The following GSPT1 variants were observed in gnomAD, a reference collection of about 807,000 sequenced individuals.
The protein encoded by GSPT1 is G1 to S phase transition 1.
A neutral mutation model predicts 72.5 loss-of-function variants in GSPT1; 20 were observed. That is an observed-to-expected ratio of 0.28 (90% CI 0.19 to 0.40). GSPT1 has a LOEUF of 0.40. GSPT1 is among the 10% of genes least tolerant of loss of function. The pLI is 1.00. For missense variants in GSPT1, 580 were observed against 811.9 expected, an observed-to-expected ratio of 0.71 and a Z score of 3.47; for synonymous variants, 334 against 293.5, an observed-to-expected ratio of 1.14 and a Z score of -1.41.
chr16:11,895,940 CAA>C (rs2054332855), intron 4 of GSPT1, among the ~76,000 whole-genome samples: 1 of 152,202 alleles, frequency 6.6e-6, no homozygotes, highest in African/African-American at 2.4e-5. Context: ...TTTACACTTT[CAA>C]AAGAGTTCTT....
chr16:11,891,344 T>TATATTACACATTTTTATATAAAAC (rs2054257588), intron 5 of GSPT1, among the ~76,000 whole-genome samples: 1 of 147,086 alleles, frequency 6.8e-6, no homozygotes, highest in Non-Finnish European at 1.5e-5. Context: ...TTATATAAAA[T>TATATTACACATTTTTATATAAAAC]ATATATATTA....
rs2054361139 is a variant in GSPT1 at position 11,897,988 on chromosome 16, C to T, written c.394+6G>A. On this transcript the variant is annotated splice_donor_region_variant and intron_variant, in intron 2 of 14. Transcript: ENST00000434724. Reference sequence around the variant, plus strand: ...TCAAGTAGACTTTCAAAGAGTACATCATTACCTTCACACAATGACTGTTCC... The same window carrying T: ...TCAAGTAGACTTTCAAAGAGTACATTATTACCTTCACACAATGACTGTTCC... 3 of 1,544,392 alleles carry T rather than the reference C, an allele frequency of 1.9e-6. No individual in the cohort carries two copies. Among genetic ancestry groups the T allele is most frequent in the Non-Finnish European group, 2.6e-6 (3 of 1,138,184 alleles).
Position 11,915,445 on chromosome 16 carries a change from G to T in GSPT1, c.276C>A (p.Gly92=), listed in dbSNP as rs529936745. ...AAEFVPSFLR[G]PAAPPPPVGG... ...CAACTGGGGGTGGCGGCGCTGCCGG[G>T]CCCCGCAGGAAGGACGGCACGAACT... The change falls in exon 1 of 15, where the codon GGC becomes GGA. Residue 92 remains glycine, a synonymous_variant. Coordinates refer to ENST00000434724, the MANE Select transcript of GSPT1 (RefSeq NM_002094.4). 8.8e-5 allele frequency: 135 copies of T among 1,537,552 alleles called. 1 individual carries two copies. In the African/African-American group the frequency reaches 1.8e-3, roughly 21 times the overall value.
chr16:11,914,954 G>C, intron 1 of GSPT1: 2 of 1,204,752 alleles, frequency 1.7e-6, no homozygotes, highest in Non-Finnish European at 2.2e-6. Flanking sequence ...TCGGCCATTC[G>C]TCCTCCCCAA....
At chr16:11,896,835 T>C (rs764828627) in intron 3 of GSPT1, 50 bp from the exon 4 acceptor site, 115 of 1,133,798 alleles carry the variant, frequency 1.0e-4, no homozygotes, top group Admixed American at 1.5e-4. Flanking sequence ...TTACAATCTA[T>C]ACTTTAAAAT....
chr16:11,903,801 TTTG>T (rs957459367), intron 1 of GSPT1: 1 of 152,252 alleles, frequency 6.6e-6, no homozygotes, highest in African/African-American at 2.4e-5. Context: ...TATTTATTTG[TTTG>T]TTAATTGTTT....
In GSPT1 at chr16:11,872,393, A is replaced by AT. The variant is rs942878629; in HGVS notation, c.*725_*726insA. The AT allele has an allele frequency of 7.4e-5, 11 of 148,838 alleles. No homozygotes were observed. The highest frequency in any genetic ancestry group is 2.4e-4 in the African/African-American group (10 of 40,904). The allele number at this position is 148,838 out of a possible 1,614,324, so 9.2% of individuals were successfully genotyped here. ...CAATATAAATTGGCAAAAAAAAAAA[A>AT]AATAAATAAATAACTAAAAGACCTA... On this transcript the variant is annotated 3_prime_UTR_variant, in exon 15 of 15. Transcript: ENST00000434724.
intron 1 of GSPT1, among the ~76,000 whole-genome samples, chr16:11,911,307 A>G (rs2054553590): frequency 6.6e-6 from 1 of 152,198 alleles, no homozygotes. Context: ...CTTAAAACTG[A>G]GAATATTCTA....
chr16:11,906,866 C>A (rs1361916256), intron 1 of GSPT1, among the ~76,000 whole-genome samples: 2 of 152,060 alleles, frequency 1.3e-5, no homozygotes, highest in African/African-American at 2.4e-5. Flanking sequence ...ATCCCTCCAA[C>A]AACAAAGAAC....
chr16:11,906,624 A>G (rs903827567), intron 1 of GSPT1, among the ~76,000 whole-genome samples: 1 of 152,162 alleles, frequency 6.6e-6, no homozygotes, highest in Non-Finnish European at 1.5e-5. Flanking sequence ...ACAATGTGAG[A>G]CCCTGTCTCA....
rs1027169299 is a variant in GSPT1, at chr16:11,870,982, T to C, written c.*2137A>G. On this transcript the variant is annotated 3_prime_UTR_variant, in exon 15 of 15. Coordinates refer to ENST00000434724, the MANE Select transcript of GSPT1 (RefSeq NM_002094.4). ...GTTCTATTTAGAAAGGGAACTCTTA[T>C]CTCTGGAAGTGATTTCCGTGGCTCT... 2 of 152,218 alleles carry C rather than the reference T, an allele frequency of 1.3e-5. No individual in the cohort carries two copies. The highest frequency in any genetic ancestry group is 4.8e-5 in the African/African-American group (2 of 41,460). The allele number at this position is 152,218 out of a possible 1,614,324, so 9.4% of individuals were successfully genotyped here.
At chr16:11,880,307 A>G (rs1192522554) in intron 11 of GSPT1, 2 of 152,266 alleles carry the variant, frequency 1.3e-5, no homozygotes, top group East Asian at 3.9e-4. Context: ...GTTTATACAG[A>G]TATCTGAGAC....
At chr16:11,890,430 T>A (rs767157627) in intron 6 of GSPT1, among the ~76,000 whole-genome samples, 8 of 152,260 alleles carry the variant, frequency 5.3e-5, no homozygotes, top group South Asian at 2.1e-4. Flanking sequence ...GGGCATTAAT[T>A]TAGCTTACCT....
At chr16:11,916,117 T>G, upstream of GSPT1, 2 of 426,954 alleles carry the variant, frequency 4.7e-6, no homozygotes, top group Non-Finnish European at 9.0e-6. Flanking sequence ...GAACTACAAG[T>G]TCCGGCAGCG....
At chr16:11,873,951 A>G (rs1205143381) in intron 14 of GSPT1, among the ~76,000 whole-genome samples, 3 of 152,268 alleles carry the variant, frequency 2.0e-5, no homozygotes, top group Admixed American at 1.3e-4. Context: ...ATATCCACCC[A>G]GTGGAGTACT....
chr16:11,885,754 C>T (rs1306253118), intron 9 of GSPT1, among the ~76,000 whole-genome samples: 2 of 151,918 alleles, frequency 1.3e-5, no homozygotes, highest in African/African-American at 2.4e-5. Flanking sequence ...CAGCCGGGTG[C>T]GGTGGCATGT....
intron 11 of GSPT1, among the ~76,000 whole-genome samples, chr16:11,878,789 C>A (rs1279793579): frequency 6.6e-6 from 1 of 151,928 alleles, no homozygotes; most frequent in East Asian, 1.9e-4. Flanking sequence ...TAATGCTATG[C>A]AGGCCAGGTG....
At chr16:11,876,578 C>T (rs2054049791) in intron 12 of GSPT1, among the ~76,000 whole-genome samples, 2 of 152,106 alleles carry the variant, frequency 1.3e-5, no homozygotes, top group African/African-American at 4.8e-5. Flanking sequence ...CCTGTCTCTA[C>T]TAAAAATACA....
At chr16:11,873,395 TC>T (rs899837113) in intron 14 of GSPT1, among the ~76,000 whole-genome samples, 6 of 151,826 alleles carry the variant, frequency 4.0e-5, no homozygotes, top group African/African-American at 7.3e-5. Flanking sequence ...AAAACCTATC[TC>T]CCCCCGTACC....
Sources: gnomAD v4.1 joint callset for allele counts (sites outside exome capture counted in the v4.1 genomes callset) on GRCh38, gnomAD v4.1.1 for gene constraint, MANE v1.5 for transcripts, NCBI Gene and HGNC (gene_info 2026-07-23, HGNC 2026-07-21) for gene names.